SCN9A: variants seen among roughly 807,000 people sequenced by gnomAD.
The protein encoded by SCN9A is sodium voltage-gated channel alpha subunit 9.
A neutral mutation model predicts 187.0 loss-of-function variants in SCN9A; 131 were observed. The ratio of observed to expected loss-of-function variants is 0.70; its 90% CI spans 0.61 to 0.81. SCN9A has a LOEUF of 0.81. SCN9A is among the 30% of genes least tolerant of loss of function. SCN9A has a pLI of 0.00. For missense variants in SCN9A, 2,252 were observed against 2,396.6 expected (o/e 0.94, Z 1.26); for synonymous variants, 809 against 808.6 (o/e 1.00, Z -0.01).
chr2:166,312,121 A>G (rs1391413468), intron 1 of SCN9A, among the ~76,000 whole-genome samples: 1 of 152,144 alleles, frequency 6.6e-6, no homozygotes, highest in African/African-American at 2.4e-5. Context: ...GGTGCAATTC[A>G]ACTCAACTTT....
At chr2:166,309,272 A>G (rs1442767697) in intron 2 of SCN9A, among the ~76,000 whole-genome samples, 1 of 152,188 alleles carries the variant, frequency 6.6e-6, no homozygotes, top group Non-Finnish European at 1.5e-5. Flanking sequence ...ATTTTAATAA[A>G]AAGAATTGTT....
rs1700081163 is a variant in SCN9A at position 166,353,214 on chromosome 2, C to T, written c.-51+22483G>A. Among the ~76,000 whole-genome samples, 3 of 146,918 alleles carry T rather than the reference C, an allele frequency of 2.0e-5. No individual in the cohort carries two copies. In the South Asian group the frequency reaches 6.4e-4, roughly 31 times the overall value. Reference sequence around the variant, plus strand: ...TTCAAAAATACAAAAATAGTGAGTCCCTGTTTCCAAAAAAAAAAAAAAGAG... The same window carrying T: ...TTCAAAAATACAAAAATAGTGAGTCTCTGTTTCCAAAAAAAAAAAAAAGAG... On this transcript the variant is annotated intron_variant, in intron 1 of 26. Coordinates refer to ENST00000642356, the MANE Select transcript of SCN9A (RefSeq NM_001365536.1).
intron 9 of SCN9A, among the ~76,000 whole-genome samples, chr2:166,292,456 T>C (rs1329493006): frequency 1.3e-5 from 2 of 152,104 alleles, no homozygotes; most frequent in African/African-American, 4.8e-5. Flanking sequence ...GTAAAGTGCA[T>C]CTTACATAAT....
chr2:166,307,129 C>G (rs1377464886), intron 2 of SCN9A, 55 bp from the exon 3 acceptor site: 9 of 993,866 alleles, frequency 9.1e-6, no homozygotes, highest in Non-Finnish European at 1.4e-5. Context: ...CAATTTTTCA[C>G]ATCAATATCA....
chr2:166,307,274 G>C (rs1442393044), intron 2 of SCN9A, among the ~76,000 whole-genome samples, 200 bp from the exon 3 acceptor site: 1 of 152,134 alleles, frequency 6.6e-6, no homozygotes, highest in African/African-American at 2.4e-5. Context: ...CTTCTTCATA[G>C]TAACTTTAAA....
chr2:166,281,160 G>T (rs78385474), intron 13 of SCN9A, among the ~76,000 whole-genome samples: 1 of 152,114 alleles, frequency 6.6e-6, no homozygotes, highest in Non-Finnish European at 1.5e-5. Context: ...ATGGGAATGT[G>T]GGGGGTGAAG....
intron 17 of SCN9A, among the ~76,000 whole-genome samples, chr2:166,266,207 C>G (rs902068237): frequency 6.6e-6 from 1 of 151,760 alleles, no homozygotes; most frequent in Non-Finnish European, 1.5e-5. Context: ...TTCAGTCTTA[C>G]ATTTAAGTAG....
intron 24 of SCN9A, among the ~76,000 whole-genome samples, chr2:166,217,229 A>T (rs1405196643): frequency 6.6e-6 from 1 of 152,084 alleles, no homozygotes; most frequent in African/African-American, 2.4e-5. Context: ...AAAGACTTAA[A>T]TATAAGAAAT....
At position 166,356,247 on chromosome 2, in the gene SCN9A, C is replaced by T. The variant is rs372269123; in HGVS notation, c.-51+19450G>A. 1.5e-4 allele frequency among the ~76,000 whole-genome samples: 22 copies of T among 151,682 alleles called. No homozygotes were observed. In the East Asian group the frequency reaches 1.7e-3, roughly 12 times the overall value. On this transcript the variant is annotated intron_variant, in intron 1 of 26. Transcript: ENST00000642356. ...TTTTTTTATTTAGATTTTTGTATAA[C>T]GAAGTTTCTTTAATGCAGATGACTC...
At chr2:166,252,117 A>G (rs1402744869) in intron 17 of SCN9A, among the ~76,000 whole-genome samples, 1 of 152,038 alleles carries the variant, frequency 6.6e-6, no homozygotes, top group Non-Finnish European at 1.5e-5. Flanking sequence ...TATTATGTTT[A>G]TTATACTAAC....
chr2:166,330,769 C>T (rs1699482276), intron 1 of SCN9A, among the ~76,000 whole-genome samples: 1 of 152,260 alleles, frequency 6.6e-6, no homozygotes, highest in Middle Eastern at 3.4e-3. Flanking sequence ...GCTTGCACTT[C>T]TCTGAGAGTC....
chr2:166,366,162 C>T (rs1224908623), intron 1 of SCN9A, among the ~76,000 whole-genome samples: 1 of 152,164 alleles, frequency 6.6e-6, no homozygotes, highest in Non-Finnish European at 1.5e-5. Context: ...GCCAACTAGA[C>T]CGGATCTAAT....
chr2:166,369,875 T>C (rs1700506488), intron 1 of SCN9A, among the ~76,000 whole-genome samples: 1 of 152,108 alleles, frequency 6.6e-6, no homozygotes. Flanking sequence ...TTCCTTTTAT[T>C]GCCCAGGCTG....
intron 1 of SCN9A, among the ~76,000 whole-genome samples, chr2:166,344,462 A>T (rs1440971263): frequency 6.6e-6 from 1 of 152,162 alleles, no homozygotes; most frequent in African/African-American, 2.4e-5. Context: ...AGGACTTGTA[A>T]TTTGTACATT....
chr2:166,311,182 G>A (rs1698930859), intron 2 of SCN9A, among the ~76,000 whole-genome samples: 1 of 133,134 alleles, frequency 7.5e-6, no homozygotes, highest in Non-Finnish European at 1.6e-5. Context: ...CACCAGCATG[G>A]CACATGTATA....
intron 22 of SCN9A, 61 bp from the exon 23 acceptor site, chr2:166,227,784 CA>C: frequency 1.2e-6 from 1 of 867,544 alleles, no homozygotes; most frequent in South Asian, 1.4e-5. Context: ...TAGCCATAAA[CA>C]GAGTTTTGTC....
intron 17 of SCN9A, among the ~76,000 whole-genome samples, chr2:166,260,519 C>A (rs1232129491): frequency 6.6e-6 from 1 of 151,818 alleles, no homozygotes; most frequent in Non-Finnish European, 1.5e-5. Context: ...ACGGATTGTG[C>A]TTTGCTTTGT....
At chr2:166,292,736 A>T in intron 9 of SCN9A, among the ~76,000 whole-genome samples, 1 of 152,156 alleles carries the variant, frequency 6.6e-6, no homozygotes, top group Non-Finnish European at 1.5e-5. Flanking sequence ...ATATAAATGG[A>T]AGAAAATACA....
intron 1 of SCN9A, among the ~76,000 whole-genome samples, chr2:166,329,816 AT>A (rs1699455925): frequency 6.6e-6 from 1 of 152,074 alleles, no homozygotes. Flanking sequence ...ATGAGTAGAA[AT>A]TTGCTGGTCT....
Sources: allele counts gnomAD v4.1 joint callset (sites outside exome capture counted in the v4.1 genomes callset), GRCh38; gene constraint gnomAD v4.1.1; transcripts MANE v1.5; gene names NCBI Gene and HGNC (gene_info 2026-07-23, HGNC 2026-07-21).